The following CWC22 variants were observed in gnomAD, a reference collection of about 807,000 sequenced individuals.
The protein encoded by CWC22 is pre-mRNA-splicing factor CWC22 homolog.
Under a neutral mutation model 117.2 loss-of-function variants are expected in CWC22, and 53 were observed. The ratio of observed to expected loss-of-function variants is 0.45; its 90% CI spans 0.36 to 0.57. CWC22 has a LOEUF of 0.57. Ranked by LOEUF, CWC22 falls within the 20% of genes least tolerant of loss-of-function variation. The probability of loss-of-function intolerance (pLI) is 0.00; values close to 1 mark genes in which losing one functional copy is unlikely to be tolerated. For missense variants in CWC22, 980 were observed against 1,068.8 expected (o/e 0.92, Z 1.16); for synonymous variants, 360 against 355.6 (o/e 1.01, Z -0.14).
chr2:179,964,463 T>A (rs1686836905), intron 13 of CWC22, 84 bp downstream of exon 13: 7 of 676,958 alleles, frequency 1.0e-5, no homozygotes, highest in Non-Finnish European at 1.8e-5. Flanking sequence ...TTTTCTGTTA[T>A]GAGACCCTAA....
chr2:179,965,323 T>C (rs892241203), intron 12 of CWC22, among the ~76,000 whole-genome samples: 2 of 152,226 alleles, frequency 1.3e-5, no homozygotes, highest in South Asian at 4.1e-4. Flanking sequence ...CCAGTTTATT[T>C]ATGTTCTGAT....
rs539348251 is a variant in CWC22 at position 179,978,490 on chromosome 2, C to G, written c.453-172G>C. Among the ~76,000 whole-genome samples the G allele has an allele frequency of 5.1e-4, 77 of 151,942 alleles. No individual in the cohort carries two copies. In the South Asian group the frequency reaches 5.4e-3, roughly 11 times the overall value. ...CAGGATAAATAGATTATATCCTGAA[C>G]CATATTTGATTTTCTATACATATGC... On this transcript the variant is annotated intron_variant, in intron 5 of 19. Transcript: ENST00000410053.
chr2:180,006,265 G>T lies in CWC22; in HGVS notation c.-114+602C>A, dbSNP rs780800054. On this transcript the variant is annotated intron_variant, in intron 1 of 19. Transcript: ENST00000410053. ...CCTGCCTTCTCCACTTACCTCAGAA[G>T]AATTGTTAGGATTAAATGGAAATAG... 1.1e-3 allele frequency among the ~76,000 whole-genome samples: 168 copies of T among 152,288 alleles called. 1 individual carries two copies. The highest frequency in any genetic ancestry group is 2.0e-3 in the Non-Finnish European group (139 of 68,032).
intron 1 of CWC22, among the ~76,000 whole-genome samples, chr2:179,993,707 AT>A (rs1687629329): frequency 6.6e-6 from 1 of 152,190 alleles, no homozygotes; most frequent in South Asian, 2.1e-4. Flanking sequence ...ACAAAAGTTA[AT>A]TTAAAAAGGG....
At chr2:179,999,645 C>T (rs189848298) in intron 1 of CWC22, among the ~76,000 whole-genome samples, 11 of 152,212 alleles carry the variant, frequency 7.2e-5, no homozygotes, top group African/African-American at 2.4e-4. Flanking sequence ...ATTGTCACTT[C>T]GGTGTTCTCA....
chr2:179,994,943 C>T (rs186918421), intron 1 of CWC22, among the ~76,000 whole-genome samples: 1 of 152,186 alleles, frequency 6.6e-6, no homozygotes, highest in Admixed American at 6.5e-5. Context: ...AGTGAAACCC[C>T]GTCTCTACTG....
rs1487914614 is a variant in CWC22, at chr2:179,952,611, A to AT, written c.1690-14dup. The AT allele has an allele frequency of 2.4e-5, 32 of 1,345,774 alleles. No homozygotes were observed. Among genetic ancestry groups the AT allele is most frequent in the Non-Finnish European group, 3.2e-5 (32 of 999,892 alleles). The allele number at this position is 1,345,774 out of a possible 1,614,324, so 83.4% of individuals were successfully genotyped here. On this transcript the variant is annotated splice_polypyrimidine_tract_variant and intron_variant, in intron 16 of 19. Coordinates refer to ENST00000410053, the MANE Select transcript of CWC22 (RefSeq NM_020943.3). The stretch of plus-strand genomic sequence containing the variant: ...TACATTCAAGAACCTGAAAATTAAA[A>AT]TAAAAAAAGACAAGTATATTTTAAT...
intron 1 of CWC22, among the ~76,000 whole-genome samples, chr2:180,002,977 T>A (rs537869458): frequency 1.3e-5 from 2 of 152,318 alleles, no homozygotes; most frequent in African/African-American, 2.4e-5. Flanking sequence ...TAGGACAGTG[T>A]CTGCTACTTA....
chr2:179,998,020 C>T (rs1017514458), intron 1 of CWC22, among the ~76,000 whole-genome samples: 4 of 152,272 alleles, frequency 2.6e-5, no homozygotes, highest in Admixed American at 2.6e-4. Context: ...CCACCTCTGA[C>T]TTACAAAATC....
intron 13 of CWC22, among the ~76,000 whole-genome samples, chr2:179,959,585 G>C (rs947481685): frequency 2.6e-5 from 4 of 152,032 alleles, no homozygotes; most frequent in African/African-American, 9.7e-5. Context: ...ATCACAGAGT[G>C]TATTTACAAA....
chr2:179,981,667 C>G (rs886141896), intron 5 of CWC22, 85 bp downstream of exon 5: 30 of 1,165,120 alleles, frequency 2.6e-5, no homozygotes, highest in Non-Finnish European at 3.4e-5. Context: ...CGTAAATTCT[C>G]AAGAACCAGG....
chr2:179,998,620 A>G (rs949822145), intron 1 of CWC22, among the ~76,000 whole-genome samples: 3 of 152,158 alleles, frequency 2.0e-5, no homozygotes, highest in African/African-American at 4.8e-5. Context: ...AGACTCTACT[A>G]TACAGAAAAT....
intron 13 of CWC22, 120 bp downstream of exon 13, chr2:179,964,427 T>A: frequency 5.4e-6 from 3 of 558,040 alleles, no homozygotes; most frequent in African/African-American, 3.8e-5. Context: ...GGGGAGAGAG[T>A]CTAAGAATGC....
chr2:179,982,154 C>A (rs1475037027), intron 4 of CWC22, among the ~76,000 whole-genome samples, 157 bp from the exon 5 acceptor site: 1 of 152,058 alleles, frequency 6.6e-6, no homozygotes, highest in African/African-American at 2.4e-5. Context: ...AGAGAAAATT[C>A]AACAAATTAG....
intron 19 of CWC22, among the ~76,000 whole-genome samples, chr2:179,947,238 A>C (rs962936412): frequency 6.6e-6 from 1 of 152,134 alleles, no homozygotes; most frequent in Non-Finnish European, 1.5e-5. Context: ...TGGTACAGTC[A>C]GTTGGTTTGC....
chr2:179,988,179 GT>G (rs1234036858), intron 3 of CWC22, among the ~76,000 whole-genome samples: 2 of 152,180 alleles, frequency 1.3e-5, no homozygotes, highest in African/African-American at 4.8e-5. Context: ...GGCTCTGGGG[GT>G]TGGGGACCCC....
At chr2:179,974,033 A>G (rs1687095340) in intron 6 of CWC22, among the ~76,000 whole-genome samples, 1 of 152,212 alleles carries the variant, frequency 6.6e-6, no homozygotes, top group Admixed American at 6.5e-5. Flanking sequence ...ATTTATCACC[A>G]AAATTTTTCT....
At chr2:179,972,835 G>A (rs542288399) in intron 8 of CWC22, among the ~76,000 whole-genome samples, 5 of 151,528 alleles carry the variant, frequency 3.3e-5, no homozygotes, top group African/African-American at 7.3e-5. Flanking sequence ...GTGAAACCCC[G>A]TCTCTACTAA....
chr2:179,961,749 T>G (rs1686757226), intron 13 of CWC22, among the ~76,000 whole-genome samples: 1 of 152,038 alleles, frequency 6.6e-6, no homozygotes, highest in African/African-American at 2.4e-5. Flanking sequence ...TCTTATTTTA[T>G]TTTGAAAGTA....
Sources: gnomAD v4.1 joint callset for allele counts (sites outside exome capture counted in the v4.1 genomes callset) on GRCh38, gnomAD v4.1.1 for gene constraint, MANE v1.5 for transcripts, NCBI Gene and HGNC (gene_info 2026-07-23, HGNC 2026-07-21) for gene names.